ABL1: variants seen among roughly 807,000 people sequenced by gnomAD.
ABL1 encodes tyrosine-protein kinase ABL1.
In ABL1, 11 loss-of-function variants were observed where a neutral mutation model predicts 94.7. The ratio of observed to expected loss-of-function variants is 0.12; its 90% CI spans 0.07 to 0.19. The LOEUF is 0.19. Ranked by LOEUF, ABL1 falls within the 10% of genes least tolerant of loss-of-function variation. The pLI, the probability that ABL1 is intolerant of heterozygous loss-of-function variation, is 1.00. For missense variants in ABL1, 1,082 were observed against 1,489.4 expected, an observed-to-expected ratio of 0.73 and a Z score of 4.50; for synonymous variants, 656 against 622.4, an observed-to-expected ratio of 1.05 and a Z score of -0.80.
Position 130,721,929 on chromosome 9 carries a change from C to G in ABL1, c.136+7474C>G, listed in dbSNP as rs546760197. On this transcript the variant is annotated intron_variant, in intron 1 of 10. Coordinates refer to the ABL1 transcript ENST00000372348. ...CTCCACCTCCCGAGTTCAAGCGATTCTCTTTCCTGCCTCAGCCTAATTTTT... is the reference window on the plus strand; with the variant it reads ...CTCCACCTCCCGAGTTCAAGCGATTGTCTTTCCTGCCTCAGCCTAATTTTT... Among the ~76,000 whole-genome samples the G allele has an allele frequency of 4.7e-5, 7 of 147,896 alleles. No individual in the cohort carries two copies. In the East Asian group the frequency reaches 8.4e-4, roughly 18 times the overall value.
intron 1 of ABL1, among the ~76,000 whole-genome samples, chr9:130,719,232 A>T (rs937205206): frequency 1.3e-5 from 2 of 152,040 alleles, no homozygotes; most frequent in African/African-American, 4.8e-5. Context: ...AAAAATTCGA[A>T]GATTTAAAAA....
chr9:130,875,198 G>T, intron 7 of ABL1, 146 bp downstream of exon 7: 1 of 891,530 alleles, frequency 1.1e-6, no homozygotes, highest in Non-Finnish European at 1.7e-6. Context: ...CTGGAGTGCA[G>T]TGGTGCAATC....
chr9:130,790,296 G>A (rs1420411622), intron 1 of ABL1, among the ~76,000 whole-genome samples: 2 of 151,876 alleles, frequency 1.3e-5, no homozygotes, highest in East Asian at 3.9e-4. Context: ...CCACCCTTTT[G>A]TCTTTCTTCC....
intron 7 of ABL1, among the ~76,000 whole-genome samples, chr9:130,876,323 C>T (rs563788423): frequency 2.0e-5 from 3 of 152,192 alleles, no homozygotes; most frequent in African/African-American, 7.2e-5. Context: ...TGTGGTTACT[C>T]AGTGGTACAG....
At chr9:130,821,664 C>CTT (rs1212377521) in intron 1 of ABL1, among the ~76,000 whole-genome samples, 1 of 135,508 alleles carries the variant, frequency 7.4e-6, no homozygotes, top group Admixed American at 7.4e-5. Context: ...ATTGCTGAGT[C>CTT]TTTTTTTTTT....
intron 1 of ABL1, among the ~76,000 whole-genome samples, chr9:130,739,650 C>T (rs940251541): frequency 6.6e-6 from 1 of 152,144 alleles, no homozygotes; most frequent in Non-Finnish European, 1.5e-5. Context: ...GGTTCTATTG[C>T]TTCCACATCA....
intron 3 of ABL1, among the ~76,000 whole-genome samples, chr9:130,856,560 A>T (rs1055591699): frequency 6.6e-6 from 1 of 152,110 alleles, no homozygotes; most frequent in African/African-American, 2.4e-5. Context: ...GCATATGGTT[A>T]AAAAAAATCA....
At chr9:130,734,476 A>G (rs551122248) in intron 1 of ABL1, among the ~76,000 whole-genome samples, 1 of 150,398 alleles carries the variant, frequency 6.6e-6, no homozygotes, top group South Asian at 2.1e-4. Flanking sequence ...TGGCTTCCCA[A>G]AGTGCTGGGA....
rs1483457505 is a variant in ABL1 at position 130,777,233 on chromosome 9, T to C, written c.136+62778T>C. 2.6e-5 allele frequency among the ~76,000 whole-genome samples: 4 copies of C among 152,382 alleles called. No individual in the cohort carries two copies. The Middle Eastern group carries it at 0.01, about 389-fold the overall frequency. On this transcript the variant is annotated intron_variant, in intron 1 of 10. Coordinates refer to the ABL1 transcript ENST00000372348. Reference sequence around the variant, plus strand: ...ATGCTCTAGGCTTTCCTCAGCAGTCTGGTAATCCTGGTTGTCCATTCATGC... The same window carrying C: ...ATGCTCTAGGCTTTCCTCAGCAGTCCGGTAATCCTGGTTGTCCATTCATGC...
At chr9:130,756,521 C>T (rs1588226342) in intron 1 of ABL1, among the ~76,000 whole-genome samples, 1 of 152,028 alleles carries the variant, frequency 6.6e-6, no homozygotes, top group Non-Finnish European at 1.5e-5. Context: ...TGCTATATTC[C>T]AAGCCACTGA....
intron 1 of ABL1, among the ~76,000 whole-genome samples, chr9:130,745,520 C>T (rs1209627921): frequency 6.6e-6 from 1 of 151,700 alleles, no homozygotes; most frequent in Non-Finnish European, 1.5e-5. Context: ...ATGATACCTC[C>T]TGGTCTCTCT....
At chr9:130,762,256 G>A (rs758966442) in intron 1 of ABL1, among the ~76,000 whole-genome samples, 18 of 152,002 alleles carry the variant, frequency 1.2e-4, no homozygotes, top group African/African-American at 1.7e-4. Flanking sequence ...TTTCTCTGCC[G>A]TAGCCACTCT....
intron 1 of ABL1, among the ~76,000 whole-genome samples, chr9:130,720,811 C>T (rs145299254): frequency 2.6e-5 from 4 of 152,080 alleles, no homozygotes; most frequent in East Asian, 1.9e-4. Flanking sequence ...GGGTCAGAAC[C>T]GACAAGATTT....
chr9:130,841,794 G>A (rs1564307562), intron 1 of ABL1, among the ~76,000 whole-genome samples: 1 of 151,956 alleles, frequency 6.6e-6, no homozygotes, highest in Non-Finnish European at 1.5e-5. Context: ...CCTGGGCAAC[G>A]AGCAAAAACT....
intron 7 of ABL1, among the ~76,000 whole-genome samples, chr9:130,876,777 C>T (rs1831352107): frequency 7.5e-6 from 1 of 132,924 alleles, no homozygotes; most frequent in East Asian, 2.0e-4. Context: ...CACTCTGTCG[C>T]CCAGGCTGGA....
chr9:130,867,772 C>A (rs988269672), intron 4 of ABL1, among the ~76,000 whole-genome samples: 1 of 152,212 alleles, frequency 6.6e-6, no homozygotes, highest in Non-Finnish European at 1.5e-5. Flanking sequence ...GTTGCACTTG[C>A]TCTTGCAAGA....
intron 1 of ABL1, among the ~76,000 whole-genome samples, chr9:130,772,841 T>C (rs746598511): frequency 2.0e-5 from 3 of 152,214 alleles, no homozygotes; most frequent in African/African-American, 7.2e-5. Context: ...AGACAAACTT[T>C]AGGGACAATT....
At chr9:130,769,318 A>G (rs546217840) in intron 1 of ABL1, among the ~76,000 whole-genome samples, 2 of 134,690 alleles carry the variant, frequency 1.5e-5, no homozygotes, top group South Asian at 4.7e-4. Flanking sequence ...GAGCCAAACT[A>G]TGGCCCTAGT....
intron 1 of ABL1, among the ~76,000 whole-genome samples, chr9:130,762,446 T>C (rs1832128560): frequency 6.6e-6 from 1 of 152,172 alleles, no homozygotes; most frequent in African/African-American, 2.4e-5. Context: ...AAACTGAGCA[T>C]TTACAAAGAA....
Sources: gnomAD v4.1 joint callset for allele counts (sites outside exome capture counted in the v4.1 genomes callset) on GRCh38, gnomAD v4.1.1 for gene constraint, MANE v1.5 for transcripts, NCBI Gene and HGNC (gene_info 2026-07-23, HGNC 2026-07-21) for gene names.